NRXN3: variants seen among roughly 807,000 people sequenced by gnomAD.
NRXN3 encodes neurexin 3, also known as neurexin III.
In NRXN3, 32 loss-of-function variants were observed where a neutral mutation model predicts 137.6. The observed-to-expected ratio is 0.23, with a 90% CI of 0.18 to 0.31. NRXN3 has a LOEUF of 0.31. NRXN3 is among the 10% of genes least tolerant of loss of function. The probability of loss-of-function intolerance (pLI) is 1.00; values close to 1 mark genes in which losing one functional copy is unlikely to be tolerated. For synonymous variants in NRXN3, 798 were observed against 784.5 expected (o/e 1.02, Z -0.29); for missense variants, 1,574 against 2,062.5 (o/e 0.76, Z 4.59).
chr14:79,117,651 G>A (rs2054680708), intron 15 of NRXN3, among the ~76,000 whole-genome samples: 1 of 152,166 alleles, frequency 6.6e-6, no homozygotes, highest in Non-Finnish European at 1.5e-5. Flanking sequence ...GAGTGGGAGT[G>A]AGGAAGGGCT....
At chr14:79,820,919 G>A (rs1162023378) in intron 20 of NRXN3, among the ~76,000 whole-genome samples, 2 of 152,116 alleles carry the variant, frequency 1.3e-5, no homozygotes, top group African/African-American at 2.4e-5. Context: ...GGTGCTTAGT[G>A]ATAACATTAT....
chr14:78,996,879 G>A (rs2099531279), intron 15 of NRXN3, among the ~76,000 whole-genome samples: 1 of 152,108 alleles, frequency 6.6e-6, no homozygotes, highest in Non-Finnish European at 1.5e-5. Context: ...CCAAAGGGAA[G>A]TCAGAAGATA....
At chr14:79,424,583 G>T (rs1450102382) in intron 15 of NRXN3, among the ~76,000 whole-genome samples, 2 of 152,080 alleles carry the variant, frequency 1.3e-5, no homozygotes, top group Non-Finnish European at 2.9e-5. Context: ...GTTGTGTAAG[G>T]TCTAAAACTG....
chr14:79,552,902 T>G (rs2153750379), intron 16 of NRXN3, among the ~76,000 whole-genome samples: 1 of 150,396 alleles, frequency 6.6e-6, no homozygotes, highest in South Asian at 2.1e-4. Flanking sequence ...AGGTAGAGAC[T>G]TCTTCTTATC....
Position 78,696,298 on chromosome 14 carries a change from G to C in NRXN3, c.1222-12919G>C, listed in dbSNP as rs1594838014. ...ACTACTTAATAGCTGTGTGAGCTTAGGTAGATAATAAAATCTCAGATTCCC... is the reference window on the plus strand; with the variant it reads ...ACTACTTAATAGCTGTGTGAGCTTACGTAGATAATAAAATCTCAGATTCCC... On this transcript the variant is annotated intron_variant, in intron 6 of 20. Coordinates refer to ENST00000335750, the MANE Select transcript of NRXN3 (RefSeq NM_001330195.2). Among the ~76,000 whole-genome samples, 3 of 152,050 alleles carry C rather than the reference G, an allele frequency of 2.0e-5. No individual in the cohort carries two copies. In the East Asian group the frequency reaches 5.8e-4, roughly 29 times the overall value.
intron 8 of NRXN3, among the ~76,000 whole-genome samples, chr14:78,746,186 A>G (rs1465374317): frequency 6.6e-6 from 1 of 152,206 alleles, no homozygotes; most frequent in African/African-American, 2.4e-5. Flanking sequence ...TCATTAGATT[A>G]AAAGGCTGCT....
intron 4 of NRXN3, among the ~76,000 whole-genome samples, chr14:78,349,166 C>T (rs1346750628): frequency 6.6e-6 from 1 of 152,190 alleles, no homozygotes; most frequent in Non-Finnish European, 1.5e-5. Context: ...TAATAATCTC[C>T]ATTGTCTAAT....
At chr14:78,911,195 A>G (rs1206257692) in intron 10 of NRXN3, among the ~76,000 whole-genome samples, 1 of 152,106 alleles carries the variant, frequency 6.6e-6, no homozygotes, top group Non-Finnish European at 1.5e-5. Context: ...TTTTATTCCC[A>G]TTTTTATAAA....
At chr14:78,905,251 T>C (rs1597219353) in intron 10 of NRXN3, among the ~76,000 whole-genome samples, 3 of 152,200 alleles carry the variant, frequency 2.0e-5, no homozygotes, top group Admixed American at 2.0e-4. Context: ...AATATCATAT[T>C]CTTAAGACCT....
chr14:78,967,829 T>A (rs1256609702), intron 13 of NRXN3, among the ~76,000 whole-genome samples: 1 of 152,162 alleles, frequency 6.6e-6, no homozygotes, highest in Non-Finnish European at 1.5e-5. Context: ...TCGTGAGAAG[T>A]TTTGATGGCA....
At chr14:79,256,734 T>C (rs1164843714) in intron 15 of NRXN3, among the ~76,000 whole-genome samples, 5 of 152,226 alleles carry the variant, frequency 3.3e-5, no homozygotes, top group Admixed American at 2.0e-4. Flanking sequence ...CGGGTCACAA[T>C]TGAATTTAAA....
At chr14:78,526,192 T>C (rs1010574343) in intron 4 of NRXN3, among the ~76,000 whole-genome samples, 2 of 152,182 alleles carry the variant, frequency 1.3e-5, no homozygotes, top group Non-Finnish European at 2.9e-5. Flanking sequence ...ATATGGGATG[T>C]CACACTTCAA....
intron 4 of NRXN3, among the ~76,000 whole-genome samples, chr14:78,311,047 C>G (rs144246754): frequency 1.3e-5 from 2 of 152,260 alleles, no homozygotes; most frequent in East Asian, 3.9e-4. Context: ...ATCTTTTTGA[C>G]TATCTGTGTT....
At chr14:79,344,492 T>G (rs1291723553) in intron 15 of NRXN3, among the ~76,000 whole-genome samples, 4 of 152,222 alleles carry the variant, frequency 2.6e-5, no homozygotes, top group African/African-American at 9.6e-5. Context: ...TTAAAGATAC[T>G]GCCAAAATGG....
chr14:79,824,006 C>A (rs372873959), intron 20 of NRXN3: 6 of 404,236 alleles, frequency 1.5e-5, no homozygotes, highest in African/African-American at 8.1e-5. Context: ...TGCTTGGAAC[C>A]CAGGAACACA....
chr14:78,484,685 AG>A (rs1353224107), intron 4 of NRXN3, among the ~76,000 whole-genome samples: 2 of 152,042 alleles, frequency 1.3e-5, no homozygotes, highest in African/African-American at 4.8e-5. Context: ...GGGAGGTAAA[AG>A]GTTTAGCCAC....
At chr14:79,798,444 C>CT (rs1477860842) in intron 19 of NRXN3, among the ~76,000 whole-genome samples, 1 of 152,252 alleles carries the variant, frequency 6.6e-6, no homozygotes, top group East Asian at 1.9e-4. Flanking sequence ...GAATTTAATT[C>CT]TTTTTAGCGT....
Position 78,294,358 on chromosome 14 carries a change from C to T in NRXN3, c.728-3473C>T, listed in dbSNP as rs184876891. Among the ~76,000 whole-genome samples the T allele has an allele frequency of 8.5e-5, 13 of 152,166 alleles. No individual in the cohort carries two copies. In the East Asian group the frequency reaches 2.5e-3, roughly 29 times the overall value. On this transcript the variant is annotated intron_variant, in intron 3 of 20. Transcript: ENST00000335750. ...TCACCTGAGGTCAGGAGTTCGAGAC[C>T]AGCCTGGCTAACATGGCAAAACCCC...
chr14:78,264,205 G>A (rs2071302615), intron 2 of NRXN3, among the ~76,000 whole-genome samples: 2 of 152,114 alleles, frequency 1.3e-5, no homozygotes, highest in Non-Finnish European at 2.9e-5. Flanking sequence ...GTTCAGTGAG[G>A]GGCAGAGTAA....
Sources: gnomAD v4.1 joint callset for allele counts (sites outside exome capture counted in the v4.1 genomes callset) on GRCh38, gnomAD v4.1.1 for gene constraint, MANE v1.5 for transcripts, NCBI Gene and HGNC (gene_info 2026-07-23, HGNC 2026-07-21) for gene names.